The following SUGCT variants were observed in gnomAD, a reference collection of about 807,000 sequenced individuals.
SUGCT encodes the protein succinyl-CoA:glutarate CoA-transferase.
Under a neutral mutation model 55.0 loss-of-function variants are expected in SUGCT, and 41 were observed. That is an observed-to-expected ratio of 0.74 (90% CI 0.58 to 0.97). SUGCT has a LOEUF of 0.97. SUGCT is among the 50% of genes least tolerant of loss of function. The pLI, the probability that SUGCT is intolerant of heterozygous loss-of-function variation, is 0.00. For synonymous variants in SUGCT, 187 were observed against 200.4 expected (o/e 0.93, Z 0.56); for missense variants, 568 against 547.8 (o/e 1.04, Z -0.37).
At chr7:40,361,806 G>T (rs1390712641) in intron 9 of SUGCT, among the ~76,000 whole-genome samples, 1 of 152,064 alleles carries the variant, frequency 6.6e-6, no homozygotes, top group East Asian at 1.9e-4. Flanking sequence ...GAGATCTCAG[G>T]GAGGGATCAA....
chr7:40,726,752 G>C (rs976174775), intron 12 of SUGCT, among the ~76,000 whole-genome samples: 1 of 152,206 alleles, frequency 6.6e-6, no homozygotes, highest in East Asian at 1.9e-4. Flanking sequence ...TACCGCCACC[G>C]TGAGGACACA....
At chr7:40,153,599 C>T in intron 1 of SUGCT, 1 of 515,034 alleles carries the variant, frequency 1.9e-6, no homozygotes, top group South Asian at 1.4e-5. Context: ...TACTCAGCCT[C>T]TGTGGTCTGC....
At chr7:40,705,445 T>C (rs1036589343) in intron 12 of SUGCT, among the ~76,000 whole-genome samples, 2 of 152,248 alleles carry the variant, frequency 1.3e-5, no homozygotes, top group Admixed American at 1.3e-4. Context: ...TCATCTGGAA[T>C]TTATTTTGGT....
At chr7:41,030,358 G>A in the SUGCT span, among the ~76,000 whole-genome samples, 4 of 151,914 alleles carry the variant, frequency 2.6e-5, no homozygotes, top group African/African-American at 9.7e-5. Flanking sequence ...GAAAAATGGT[G>A]GGTGAAATGG....
chr7:40,155,172 C>T (rs1321195188), intron 1 of SUGCT, among the ~76,000 whole-genome samples: 1 of 151,886 alleles, frequency 6.6e-6, no homozygotes, highest in Non-Finnish European at 1.5e-5. Flanking sequence ...GTAATTCCAG[C>T]TACTTGGGAG....
At chr7:40,819,139 T>G (rs1791842113) in intron 13 of SUGCT, among the ~76,000 whole-genome samples, 1 of 152,154 alleles carries the variant, frequency 6.6e-6, no homozygotes, top group South Asian at 2.1e-4. Context: ...CCACATTTTC[T>G]TAATCCAGTC....
At chr7:40,939,252 C>T in the SUGCT span, among the ~76,000 whole-genome samples, 1 of 151,848 alleles carries the variant, frequency 6.6e-6, no homozygotes, top group Admixed American at 6.6e-5. Context: ...CATCAGATCT[C>T]TTGAGACTTA....
intron 9 of SUGCT, among the ~76,000 whole-genome samples, chr7:40,341,386 GA>G (rs1797033612): frequency 6.6e-6 from 1 of 152,104 alleles, no homozygotes; most frequent in African/African-American, 2.4e-5. Flanking sequence ...TATTAGGAGG[GA>G]AATTTCACCA....
chr7:40,247,468 G>A (rs1241113140), intron 7 of SUGCT, among the ~76,000 whole-genome samples: 1 of 152,108 alleles, frequency 6.6e-6, no homozygotes, highest in Admixed American at 6.6e-5. Context: ...ATGTTGGCCA[G>A]GCTGGTTTTG....
intron 1 of SUGCT, among the ~76,000 whole-genome samples, chr7:40,164,564 T>C (rs892784952): frequency 1.3e-5 from 2 of 152,228 alleles, no homozygotes; most frequent in African/African-American, 4.8e-5. Context: ...ATTAGTTGAA[T>C]TGGAAGGTGA....
chr7:41,030,236 C>T, the SUGCT span, among the ~76,000 whole-genome samples: 1 of 151,734 alleles, frequency 6.6e-6, no homozygotes, highest in African/African-American at 2.4e-5. Context: ...CATAAGTTTT[C>T]CAGAGGCTTT....
intron 7 of SUGCT, among the ~76,000 whole-genome samples, chr7:40,267,499 AT>A (rs957893622): frequency 1.3e-5 from 2 of 152,092 alleles, no homozygotes; most frequent in African/African-American, 4.8e-5. Context: ...TGAATTACCC[AT>A]TTTTTTCAAT....
In SUGCT at chr7:40,311,611, GC is replaced by G. The variant is rs1011186618; in HGVS notation, c.721-5147del. Among the ~76,000 whole-genome samples the G allele has an allele frequency of 1.7e-4, 26 of 152,080 alleles. 1 individual carries two copies. Among genetic ancestry groups the G allele is most frequent in the African/African-American group, 6.0e-4 (25 of 41,458 alleles). On this transcript the variant is annotated intron_variant, in intron 8 of 13. Transcript: ENST00000335693. ...CTTTCTCTATGCCAACCCCTTTCCT[GC>G]CTTTGAGCTTTCGCACATGTTACTC...
chr7:40,508,578 G>A (rs559477133), intron 12 of SUGCT, among the ~76,000 whole-genome samples: 1 of 143,138 alleles, frequency 7.0e-6, no homozygotes, highest in African/African-American at 2.6e-5. Context: ...TGATGGTGGA[G>A]GTTAATGGAA....
intron 1 of SUGCT, among the ~76,000 whole-genome samples, chr7:40,177,336 A>G (rs1287548267): frequency 1.3e-5 from 2 of 151,234 alleles, no homozygotes; most frequent in South Asian, 2.1e-4. Flanking sequence ...TGCTCCCTGC[A>G]CATCACTTTC....
chr7:40,897,463 A>G, the SUGCT span, among the ~76,000 whole-genome samples: 4 of 142,688 alleles, frequency 2.8e-5, no homozygotes, highest in Non-Finnish European at 6.2e-5. Flanking sequence ...ACACACACAC[A>G]TTTGGTATAT....
At chr7:41,024,884 G>C in the SUGCT span, among the ~76,000 whole-genome samples, 1 of 152,108 alleles carries the variant, frequency 6.6e-6, no homozygotes, top group African/African-American at 2.4e-5. Context: ...ACTGCACATT[G>C]TTCGTTAAAA....
chr7:40,593,125 G>A (rs971136043), intron 12 of SUGCT, among the ~76,000 whole-genome samples: 3 of 152,088 alleles, frequency 2.0e-5, no homozygotes, highest in African/African-American at 7.2e-5. Flanking sequence ...AGAAGGTGAA[G>A]GCCAGTAAAA....
chr7:40,345,524 G>A (rs977018577), intron 9 of SUGCT, among the ~76,000 whole-genome samples: 4 of 152,052 alleles, frequency 2.6e-5, no homozygotes, highest in African/African-American at 4.8e-5. Context: ...ATGTTCATAT[G>A]TATAGTTCTA....
Sources: gnomAD v4.1 joint callset for allele counts (sites outside exome capture counted in the v4.1 genomes callset) on GRCh38, gnomAD v4.1.1 for gene constraint, MANE v1.5 for transcripts, NCBI Gene and HGNC (gene_info 2026-07-23, HGNC 2026-07-21) for gene names.